The following TNXB variants were observed in gnomAD, a reference collection of about 807,000 sequenced individuals.
TNXB encodes the protein tenascin XB, also known as tenascin-X.
Under a neutral mutation model 340.5 loss-of-function variants are expected in TNXB, and 183 were observed. The observed-to-expected ratio is 0.54, with a 90% CI of 0.48 to 0.61. The LOEUF (loss-of-function observed/expected upper bound fraction) is 0.61. Ranked by LOEUF, TNXB falls within the 20% of genes least tolerant of loss-of-function variation. The pLI is 0.00. For synonymous variants in TNXB, 2,121 were observed against 2,314.5 expected (o/e 0.92, Z 2.40); for missense variants, 4,613 against 5,446.4 (o/e 0.85, Z 4.82).
Position 32,069,997 on chromosome 6 carries a change from A to T in TNXB, c.5278+130T>A. The stretch of plus-strand genomic sequence containing the variant: ...GCCGGGCTGTGCTAGGGGCTTGTGC[A>T]GGGACGTGGGGAGCTGGATCTGAGC... On this transcript the variant is annotated intron_variant, in intron 14 of 43. Transcript: ENST00000644971. This position sits in a 1 kb window ranked among gnomAD's most constrained non-coding sequence, Gnocchi z 6.2. 1 of 1,375,162 alleles carries T rather than the reference A, an allele frequency of 7.3e-7. No individual in the cohort carries two copies. The highest frequency in any genetic ancestry group is 9.6e-7 in the Non-Finnish European group (1 of 1,038,614). The allele number at this position is 1,375,162 out of a possible 1,614,324, so 85.2% of individuals were successfully genotyped here.
In TNXB at chr6:32,096,428, G is replaced by T; in HGVS notation, c.1425C>A (p.Arg475=). 6.3e-7 allele frequency: 1 copy of T among 1,593,024 alleles called. No homozygotes were observed. Residue 475 remains arginine, a synonymous_variant, in exon 3 of 44, where the codon CGC becomes CGA. Transcript: ENST00000644971. The part of the protein sequence containing the change: ...SCPGDCRGRG[R]CESGRCMCWP... ...AACACATGCAGCGGCCACTCTCACA[G>T]CGGCCCCGGCCACGACAGTCCCCAG... is the stretch of plus-strand genomic sequence containing the variant.
In TNXB at chr6:32,049,179, G is replaced by A; in HGVS notation, c.9757+91C>T. 6.9e-7 allele frequency: 1 copy of A among 1,449,166 alleles called. No individual in the cohort carries two copies. The highest frequency in any genetic ancestry group is 9.1e-7 in the Non-Finnish European group (1 of 1,093,042). The allele number at this position is 1,449,166 out of a possible 1,614,324, so 89.8% of individuals were successfully genotyped here. ...TGGGAGAAAAGACAGAAACCTAGAG[G>A]CCCAGTCAAAAGAGGTGCCAAGATC... is the stretch of plus-strand genomic sequence containing the variant. On this transcript the variant is annotated intron_variant, in intron 28 of 43. Coordinates refer to ENST00000644971, the MANE Select transcript of TNXB (RefSeq NM_001365276.2). The surrounding 1 kb of genome is among the most constrained non-coding windows in gnomAD (Gnocchi z 4.5).
In TNXB at chr6:32,096,674, G is replaced by A. The variant is rs759345347; in HGVS notation, c.1179C>T (p.Gly393=). The A allele has an allele frequency of 6.4e-6, 10 of 1,553,534 alleles. No individual in the cohort carries two copies. Among genetic ancestry groups the A allele is most frequent in the Non-Finnish European group, 8.7e-6 (10 of 1,153,082 alleles). Residue 393 remains glycine, a synonymous_variant, in exon 3 of 44, where the codon GGC becomes GGT. Coordinates refer to ENST00000644971, the MANE Select transcript of TNXB (RefSeq NM_001365276.2). ...CEDGECICDT[G]YSGDDCGVRS... The stretch of plus-strand genomic sequence containing the variant: ...GCACGCCGCAGTCGTCCCCGCTGTA[G>A]CCCGTGTCGCAAATGCATTCGCCGT...
chr6:32,082,316 A>G lies in TNXB; in HGVS notation c.3456T>C (p.Ser1152=). The change falls in exon 9 of 44, where the codon AGT becomes AGC. Residue 1152 remains serine, a synonymous_variant. Transcript: ENST00000644971. The surrounding 1 kb of genome is among the most constrained non-coding windows in gnomAD (Gnocchi z 5.0). ...LVAEAKILPQ[S]DPSPGTPPHL... ...GGGGTGGAGTCCCTGGACTTGGGTCACTCTGAGGCACTAGGAAGAGTGGGT... is the reference window on the plus strand; with the variant it reads ...GGGGTGGAGTCCCTGGACTTGGGTCGCTCTGAGGCACTAGGAAGAGTGGGT... 1 of 1,593,606 alleles carries G rather than the reference A, an allele frequency of 6.3e-7. No homozygotes were observed. The highest frequency in any genetic ancestry group is 8.6e-7 in the Non-Finnish European group (1 of 1,167,758).
At chr6:32,053,818 C>T (rs1777459017) in intron 24 of TNXB, 107 bp from the exon 25 acceptor site, 2 of 1,258,146 alleles carry the variant, frequency 1.6e-6, no homozygotes, top group Non-Finnish European at 2.2e-6. Context: ...ATGCTGCCCA[C>T]AGCGCCTCCA....
chr6:32,058,095 C>T lies in TNXB; in HGVS notation c.7788G>A (p.Gly2596=). 8 of 1,611,816 alleles carry T rather than the reference C, an allele frequency of 5.0e-6. No individual in the cohort carries two copies. The highest frequency in any genetic ancestry group is 6.8e-6 in the Non-Finnish European group (8 of 1,179,098). ...YKMHLYGLHE[G]RRLGPVSAVG... ...CGGCAGACACCGGGCCCAGGCGCCGCCCCTCGTGGAGGCCGTACAGGTGCA... is the reference window on the plus strand; with the variant it reads ...CGGCAGACACCGGGCCCAGGCGCCGTCCCTCGTGGAGGCCGTACAGGTGCA... Residue 2596 remains glycine, a synonymous_variant, in exon 22 of 44, where the codon GGG becomes GGA. Coordinates refer to ENST00000644971, the MANE Select transcript of TNXB (RefSeq NM_001365276.2). This position sits in a 1 kb window ranked among gnomAD's most constrained non-coding sequence, Gnocchi z 5.1.
rs1194548088 is a variant in TNXB, at chr6:32,084,422, C to A, written c.3436G>T (p.Ala1146Ser). 1.3e-6 allele frequency: 2 copies of A among 1,587,962 alleles called. No individual in the cohort carries two copies. Among genetic ancestry groups the A allele is most frequent in the Non-Finnish European group, 1.7e-6 (2 of 1,164,032 alleles). ...TACTGCTGTCACTCACAGATCTTGG[C>A]TTCAGCCACCAGCGGACCATGCCTC... ...KKRHGPLVAE[A>S]KILPQSDPSP... Residue 1146 changes from alanine (A) to serine (S), a missense_variant, in exon 8 of 44, where the codon GCC (alanine) becomes TCC (serine). By Grantham distance (99) the Ala-to-Ser change is moderately conservative (BLOSUM62 1). Coordinates refer to ENST00000644971, the MANE Select transcript of TNXB (RefSeq NM_001365276.2). The surrounding 1 kb of genome is among the most constrained non-coding windows in gnomAD (Gnocchi z 5.5).
chr6:32,046,154 A>G lies in TNXB; in HGVS notation c.10606+21T>C. ...AAACCCACACAAGCTGGCTTGCTAT[A>G]GCCAGGCACAGCAGCCTCACCTGTC... On this transcript the variant is annotated intron_variant, in intron 31 of 43. Transcript: ENST00000644971. The surrounding 1 kb of genome is among the most constrained non-coding windows in gnomAD (Gnocchi z 6.9). 6.4e-7 allele frequency: 1 copy of G among 1,572,746 alleles called. No individual in the cohort carries two copies. The highest frequency in any genetic ancestry group is 8.7e-7 in the Non-Finnish European group (1 of 1,153,782).
In TNXB at chr6:32,044,399, C is replaced by A; in HGVS notation, c.11245G>T (p.Ala3749Ser). The change falls in exon 33 of 44, where the codon GCC becomes TCC. Residue 3749 changes from alanine to serine, a missense_variant. Physicochemically the swap from Ala to Ser is moderately conservative, Grantham distance 99 (BLOSUM62 1). Transcript: ENST00000644971. ...TCCTTACCTGGGCTGAGGGTGCGGG[C>A]GGTTCCCTGGATGCTGTCGGCCTTG... Reference protein sequence around the residue: ...PHKADSIQGTARTLSPVLESP... With the variant: ...PHKADSIQGTSRTLSPVLESP... The A allele has an allele frequency of 2.3e-6, 1 of 432,270 alleles. No homozygotes were observed. The highest frequency in any genetic ancestry group is 3.9e-6 in the Non-Finnish European group (1 of 257,394). 26.8% of individuals were successfully genotyped at this position (432,270 alleles called of 1,614,324 possible). A position where few individuals can be genotyped will look rare whatever the true frequency, so the allele number is the denominator to read the frequency against.
In TNXB at chr6:32,062,082, C is replaced by G; in HGVS notation, c.7168+75G>C. ...GTGCTGACCAGACCCGTCCCATTCCCCACCAGTCATCACCAAAGAGCAAGA... is the reference window on the plus strand; with the variant it reads ...GTGCTGACCAGACCCGTCCCATTCCGCACCAGTCATCACCAAAGAGCAAGA... On this transcript the variant is annotated intron_variant, in intron 20 of 43. Transcript: ENST00000644971. This position sits in a 1 kb window ranked among gnomAD's most constrained non-coding sequence, Gnocchi z 4.3. 4 of 1,514,508 alleles carry G rather than the reference C, an allele frequency of 2.6e-6. No homozygotes were observed. The South Asian group carries it at 3.8e-5, about 15-fold the overall frequency. 93.8% of individuals were successfully genotyped at this position (1,514,508 alleles called of 1,614,324 possible). A position where few individuals can be genotyped will look rare whatever the true frequency, so the allele number is the denominator to read the frequency against.
Position 32,081,412 on chromosome 6 carries a change from C to A in TNXB, c.3998G>T (p.Arg1333Leu). The A allele has an allele frequency of 1.9e-6, 3 of 1,549,674 alleles. No homozygotes were observed. The highest frequency in any genetic ancestry group is 2.6e-6 in the Non-Finnish European group (3 of 1,145,818). The change falls in exon 10 of 44, where the codon CGT (arginine) becomes CTT (leucine). Residue 1333 changes from arginine to leucine, a missense_variant. By Grantham distance (102) the Arg-to-Leu change is moderately radical (BLOSUM62 -2). Transcript: ENST00000644971. This position sits in a 1 kb window ranked among gnomAD's most constrained non-coding sequence, Gnocchi z 5.1. Reference sequence around the variant, plus strand: ...CTCGGGCCCCACACGCTGCCTGCCACGAAGCCCGTAGAGGTTCATCTTATA... The same window carrying A: ...CTCGGGCCCCACACGCTGCCTGCCAAGAAGCCCGTAGAGGTTCATCTTATA... Reference protein sequence around the residue: ...RKYKMNLYGLRGRQRVGPESV... With the variant: ...RKYKMNLYGLLGRQRVGPESV...
Position 32,042,059 on chromosome 6 carries a change from G to A in TNXB, c.12422C>T (p.Ala4141Val). Reference sequence around the variant, plus strand: ...CAAGTGGAGGCGGTAGTACTCCGCAGCCGAGTCTACGTGGAAGGAGTCGTA... The same window carrying A: ...CAAGTGGAGGCGGTAGTACTCCGCAACCGAGTCTACGTGGAAGGAGTCGTA... ...AQYDSFHVDS[A>V]AEYYRLHLEG... Residue 4141 changes from alanine to valine, a missense_variant, in exon 42 of 44, where the codon GCT becomes GTT. This residue lies in a region of TNXB where 121 missense variants were observed against 177.4 expected (regional missense o/e 0.68). Coordinates refer to ENST00000644971, the MANE Select transcript of TNXB (RefSeq NM_001365276.2). The A allele has an allele frequency of 1.8e-6, 1 of 545,160 alleles. No individual in the cohort carries two copies. The highest frequency in any genetic ancestry group is 3.2e-6 in the Non-Finnish European group (1 of 315,154). 33.8% of individuals were successfully genotyped at this position (545,160 alleles called of 1,614,324 possible).
chr6:32,073,568 G>A lies in TNXB; in HGVS notation c.4681+79C>T. The stretch of plus-strand genomic sequence containing the variant: ...CTCAGTGAGGGTGCGGTGGTACCAA[G>A]GCAGGGCTGGAAGAAGGGCCATGGG... On this transcript the variant is annotated intron_variant, in intron 12 of 43. Coordinates refer to ENST00000644971, the MANE Select transcript of TNXB (RefSeq NM_001365276.2). This position sits in a 1 kb window ranked among gnomAD's most constrained non-coding sequence, Gnocchi z 4.6. 7.3e-7 allele frequency: 1 copy of A among 1,360,640 alleles called. No individual in the cohort carries two copies. 84.3% of individuals were successfully genotyped at this position (1,360,640 alleles called of 1,614,324 possible).
chr6:32,096,519 C>T lies in TNXB; in HGVS notation c.1334G>A (p.Cys445Tyr). The change falls in exon 3 of 44, where the codon TGC becomes TAC. Residue 445 changes from cysteine (C) to tyrosine (Y), a missense_variant. Physicochemically the swap from Cys to Tyr is radical, Grantham distance 194 (BLOSUM62 -2). Transcript: ENST00000644971. ...CPRDCRGRGR[C>Y]ENGVCVCNAG... ...ATTGCAAACACACACGCCGTTCTCG[C>T]AGCGCCCGCGACCTCTACAGTCGCG... 3 of 1,599,300 alleles carry T rather than the reference C, an allele frequency of 1.9e-6. No individual in the cohort carries two copies. The highest frequency in any genetic ancestry group is 2.5e-6 in the Non-Finnish European group (3 of 1,178,246).
intron 1 of TNXB, among the ~76,000 whole-genome samples, 195 bp from the exon 2 acceptor site, chr6:32,098,401 CATT>C (rs1780536710): frequency 6.6e-6 from 1 of 152,146 alleles, no homozygotes; most frequent in Non-Finnish European, 1.5e-5. Context: ...TCTCTGATAT[CATT>C]TATTTACCCT....
chr6:32,069,000 A>G lies in TNXB; in HGVS notation c.5724T>C (p.Phe1908=), dbSNP rs762401545. ...HLSWMVTEGE[F]DSFEIQYTDR... Reference sequence around the variant, plus strand: ...CTGTGTACTGGATTTCGAAGGAGTCAAATTCTCCCTCAGTCACCATCCAGG... The same window carrying G: ...CTGTGTACTGGATTTCGAAGGAGTCGAATTCTCCCTCAGTCACCATCCAGG... The change falls in exon 16 of 44, where the codon TTT becomes TTC. Residue 1908 remains phenylalanine (F), a synonymous_variant. Coordinates refer to ENST00000644971, the MANE Select transcript of TNXB (RefSeq NM_001365276.2). The surrounding 1 kb of genome is among the most constrained non-coding windows in gnomAD (Gnocchi z 5.3). 3 of 1,612,902 alleles carry G rather than the reference A, an allele frequency of 1.9e-6. No homozygotes were observed. Among genetic ancestry groups the G allele is most frequent in the Non-Finnish European group, 2.5e-6 (3 of 1,179,884 alleles).
rs757095620 is a variant in TNXB at position 32,082,223 on chromosome 6, C to T, written c.3549G>A (p.Glu1183=). The T allele has an allele frequency of 6.2e-7, 1 of 1,612,282 alleles. No homozygotes were observed. The highest frequency in any genetic ancestry group is 1.1e-5 in the South Asian group (1 of 90,970). ...DSLHLSWTVP[E]GQFDTFMVQY... ...GGACCATGAAGGTGTCAAACTGGCCCTCAGGGACAGTCCAGGAGAGGTGCA... is the reference window on the plus strand; with the variant it reads ...GGACCATGAAGGTGTCAAACTGGCCTTCAGGGACAGTCCAGGAGAGGTGCA... The change falls in exon 9 of 44, where the codon GAG becomes GAA. Residue 1183 remains glutamate (E), a synonymous_variant. Coordinates refer to ENST00000644971, the MANE Select transcript of TNXB (RefSeq NM_001365276.2). This position sits in a 1 kb window ranked among gnomAD's most constrained non-coding sequence, Gnocchi z 5.0.
rs1778810552 is a variant in TNXB at position 32,072,120 on chromosome 6, C to T, written c.4860G>A (p.Val1620=). The T allele has an allele frequency of 1.9e-6, 3 of 1,613,160 alleles. No homozygotes were observed. Among genetic ancestry groups the T allele is most frequent in the African/African-American group, 1.3e-5 (1 of 75,012 alleles). Residue 1620 remains valine, a synonymous_variant, in exon 13 of 44, where the codon GTG becomes GTA. Coordinates refer to ENST00000644971, the MANE Select transcript of TNXB (RefSeq NM_001365276.2). This position sits in a 1 kb window ranked among gnomAD's most constrained non-coding sequence, Gnocchi z 4.4. ...CCCGCTGATCTGCAGCCACGGGCAC[C>T]ACCTGGGGCTGCCCGTCCCTGTCCT... ...QYKDRDGQPQ[V]VPVAADQREV...
At chr6:32,063,654 T>C (rs1778161658) in intron 19 of TNXB, among the ~76,000 whole-genome samples, 1 of 152,226 alleles carries the variant, frequency 6.6e-6, no homozygotes, top group Admixed American at 6.5e-5. Context: ...CCAGTTCTTT[T>C]GGCCCGTGTG....
Sources: allele counts gnomAD v4.1 joint callset (sites outside exome capture counted in the v4.1 genomes callset), GRCh38; gene constraint gnomAD v4.1.1; regional missense constraint gnomAD v4.1.1; non-coding constraint Gnocchi (gnomAD v3.1); transcripts MANE v1.5; gene names NCBI Gene and HGNC (gene_info 2026-07-23, HGNC 2026-07-21).